Variants in ARAP2 observed in about 807,000 individuals in gnomAD.
ARAP2 encodes the protein arf-GAP with Rho-GAP domain, ANK repeat and PH domain-containing protein 2.
In ARAP2, 148 loss-of-function variants were observed where a neutral mutation model predicts 194.5. The ratio of observed to expected loss-of-function variants is 0.76; its 90% CI spans 0.67 to 0.87. The LOEUF is 0.87. Ranked by LOEUF, ARAP2 falls within the 40% of genes least tolerant of loss-of-function variation. ARAP2 has a pLI of 0.00. For missense variants in ARAP2, 2,128 were observed against 1,989.7 expected (o/e 1.07, Z -1.32); for synonymous variants, 695 against 683.5 (o/e 1.02, Z -0.26).
Position 36,228,675 on chromosome 4 carries a change from C to G in ARAP2, c.812G>C (p.Arg271Pro), listed in dbSNP as rs149905804. ...AGATGGTCTTGAAACCAACTTGCTA[C>G]GACTTCTCACAGGTGCTAGGATTGG... The part of the protein sequence containing the change: ...SSPILAPVRS[R>P]SKLVSRPSRS... The change falls in exon 2 of 33, where the codon CGT (arginine) becomes CCT (proline). Residue 271 changes from arginine (R) to proline (P), a missense_variant. Coordinates refer to ENST00000303965, the MANE Select transcript of ARAP2 (RefSeq NM_015230.4). 2 of 1,613,996 alleles carry G rather than the reference C, an allele frequency of 1.2e-6. No individual in the cohort carries two copies. The highest frequency in any genetic ancestry group is 2.2e-5 in the South Asian group (2 of 91,068).
At chr4:36,236,783 AC>A (rs1326345666) in intron 1 of ARAP2, among the ~76,000 whole-genome samples, 20 of 152,320 alleles carry the variant, frequency 1.3e-4, no homozygotes, top group African/African-American at 4.8e-4. Flanking sequence ...GGTCTTAATG[AC>A]CAACAAATGA....
Position 36,228,951 on chromosome 4 carries a change from T to C in ARAP2, c.536A>G (p.Glu179Gly). 1 of 1,614,080 alleles carries C rather than the reference T, an allele frequency of 6.2e-7. No individual in the cohort carries two copies. Among genetic ancestry groups the C allele is most frequent in the Non-Finnish European group, 8.5e-7 (1 of 1,179,998 alleles). ...CACAGTCTTCTTTGTAATCAATGAT[T>C]CTATTTTAATATTGTCACTACCAAA... ...SLFGSDNIKI[E>G]SLITKKTVDH... The change falls in exon 2 of 33, where the codon GAA becomes GGA. Residue 179 changes from glutamate to glycine, a missense_variant. Physicochemically the swap from Glu to Gly is moderately conservative, Grantham distance 98 (BLOSUM62 -2). Coordinates refer to ENST00000303965, the MANE Select transcript of ARAP2 (RefSeq NM_015230.4).
intron 27 of ARAP2, among the ~76,000 whole-genome samples, chr4:36,102,534 G>T (rs1292955184): frequency 6.6e-6 from 1 of 151,880 alleles, no homozygotes; most frequent in Non-Finnish European, 1.5e-5. Context: ...GTTAAAGAAG[G>T]ATAGCATGCA....
chr4:36,120,616 T>G (rs943181646), intron 23 of ARAP2, among the ~76,000 whole-genome samples: 1 of 151,648 alleles, frequency 6.6e-6, no homozygotes, highest in East Asian at 1.9e-4. Context: ...TTCCCCTATT[T>G]TTACTTCTTT....
intron 11 of ARAP2, among the ~76,000 whole-genome samples, chr4:36,164,662 C>CT (rs944150969): frequency 6.6e-6 from 1 of 152,176 alleles, no homozygotes; most frequent in African/African-American, 2.4e-5. Flanking sequence ...ATTTTCAACA[C>CT]TGTCTTTTTA....
At chr4:36,158,665 C>T (rs1733161780) in intron 15 of ARAP2, 65 bp downstream of exon 15, 2 of 1,355,848 alleles carry the variant, frequency 1.5e-6, no homozygotes, top group Admixed American at 2.5e-5. Flanking sequence ...AAATCTAAAC[C>T]TAATTGTTTT....
At chr4:36,136,932 GCACACACACA>G (rs10551786) in intron 19 of ARAP2, among the ~76,000 whole-genome samples, 235 of 149,434 alleles carry the variant, frequency 1.6e-3, no homozygotes, top group African/African-American at 5.5e-3. Context: ...ACGCGCGCGC[GCACACACACA>G]CACACACACA....
At chr4:36,145,702 C>T (rs1015130661) in intron 19 of ARAP2, among the ~76,000 whole-genome samples, 10 of 151,904 alleles carry the variant, frequency 6.6e-5, no homozygotes, top group African/African-American at 2.4e-4. Flanking sequence ...ATAAAAGAAA[C>T]TGTCTTCCTT....
At chr4:36,133,085 C>T in intron 20 of ARAP2, 141 bp downstream of exon 20, 1 of 752,790 alleles carries the variant, frequency 1.3e-6, no homozygotes, top group Admixed American at 3.3e-5. Context: ...ATTAGCTGAA[C>T]AGTAAATCTG....
intron 1 of ARAP2, among the ~76,000 whole-genome samples, chr4:36,242,338 T>C (rs1413353449): frequency 1.3e-5 from 2 of 152,136 alleles, no homozygotes; most frequent in Non-Finnish European, 2.9e-5. Context: ...TGAGGACAGG[T>C]GGAAATGTAT....
At chr4:36,131,676 G>GT (rs1725489834) in intron 20 of ARAP2, among the ~76,000 whole-genome samples, 1 of 151,708 alleles carries the variant, frequency 6.6e-6, no homozygotes, top group South Asian at 2.1e-4. Flanking sequence ...ATCAGAGCTA[G>GT]TCAAGGTATT....
At chr4:36,119,488 T>C (rs1279391196) in intron 24 of ARAP2, among the ~76,000 whole-genome samples, 162 bp downstream of exon 24, 1 of 150,968 alleles carries the variant, frequency 6.6e-6, no homozygotes, top group East Asian at 2.0e-4. Context: ...TGCATATATG[T>C]ATCAGGTTGC....
chr4:36,007,007 C>G (rs1465505016), exon 10 of ARAP2: 2 of 151,946 alleles, frequency 1.3e-5, no homozygotes, highest in Non-Finnish European at 2.9e-5. Context: ...GTGATCAGGC[C>G]ATTGCACCTC....
At chr4:36,148,112 C>T (rs1730078564) in intron 17 of ARAP2, among the ~76,000 whole-genome samples, 1 of 152,022 alleles carries the variant, frequency 6.6e-6, no homozygotes. Context: ...AAATATCTAC[C>T]TATAAAAAGA....
chr4:36,042,323 A>T (rs983843467), intron 5 of ARAP2, among the ~76,000 whole-genome samples: 3 of 152,260 alleles, frequency 2.0e-5, no homozygotes, highest in African/African-American at 7.2e-5. Flanking sequence ...AGTGCTGATT[A>T]GACAATAATA....
chr4:36,006,372 CTT>C (rs1713276929), intron 10 of ARAP2: 1 of 152,206 alleles, frequency 6.6e-6, no homozygotes. Flanking sequence ...GTCATAAACA[CTT>C]GAGGAGCACT....
chr4:36,092,097 T>C, intron 27 of ARAP2, 77 bp from the exon 28 acceptor site: 2 of 1,404,964 alleles, frequency 1.4e-6, no homozygotes, highest in Non-Finnish European at 9.5e-7. Context: ...CATTTCTATA[T>C]TGTCATATAG....
chr4:36,173,958 A>C (rs1737229684), intron 9 of ARAP2, among the ~76,000 whole-genome samples: 1 of 152,244 alleles, frequency 6.6e-6, no homozygotes, highest in Non-Finnish European at 1.5e-5. Flanking sequence ...CTTGCCAATA[A>C]TAATCATCAT....
chr4:36,105,804 C>G (rs560899551), intron 27 of ARAP2, among the ~76,000 whole-genome samples: 1 of 152,020 alleles, frequency 6.6e-6, no homozygotes, highest in South Asian at 2.1e-4. Flanking sequence ...TATAACATAG[C>G]CTTTTAGGAT....
Sources: allele counts gnomAD v4.1 joint callset (sites outside exome capture counted in the v4.1 genomes callset), GRCh38; gene constraint gnomAD v4.1.1; transcripts MANE v1.5; gene names NCBI Gene and HGNC (gene_info 2026-07-23, HGNC 2026-07-21).